The following SLC24A2 variants were observed in gnomAD, a reference collection of about 807,000 sequenced individuals.
SLC24A2 encodes the protein solute carrier family 24 member 2.
A neutral mutation model predicts 62.0 loss-of-function variants in SLC24A2; 36 were observed. The observed-to-expected ratio is 0.58, with a 90% CI of 0.44 to 0.77. The LOEUF (loss-of-function observed/expected upper bound fraction) is 0.77. Among genes scored for constraint, SLC24A2 ranks in the 30% least tolerant of loss-of-function variants. The pLI is 0.00. For missense variants in SLC24A2, 846 were observed against 817.9 expected, an observed-to-expected ratio of 1.03 and a Z score of -0.42; for synonymous variants, 358 against 294.0, an observed-to-expected ratio of 1.22 and a Z score of -2.23.
the SLC24A2 span, among the ~76,000 whole-genome samples, chr9:20,152,065 G>A: frequency 6.6e-6 from 1 of 151,838 alleles, no homozygotes; most frequent in Non-Finnish European, 1.5e-5. Context: ...GTTTTCACAT[G>A]CTAAGCACTC....
chr9:19,753,484 T>C (rs959596715), intron 2 of SLC24A2, among the ~76,000 whole-genome samples: 27 of 152,208 alleles, frequency 1.8e-4, no homozygotes, highest in Admixed American at 6.5e-5. Context: ...TGGGTGCTTA[T>C]TAGTCAGACT....
chr9:19,770,742 C>T (rs1822661769), intron 2 of SLC24A2, among the ~76,000 whole-genome samples: 1 of 152,120 alleles, frequency 6.6e-6, no homozygotes, highest in South Asian at 2.1e-4. Flanking sequence ...TAACATTGAC[C>T]ATTCAGTGAG....
At chr9:19,645,620 A>G (rs1167791227) in intron 2 of SLC24A2, among the ~76,000 whole-genome samples, 1 of 152,104 alleles carries the variant, frequency 6.6e-6, no homozygotes, top group Admixed American at 6.5e-5. Flanking sequence ...AGTTCCGGTG[A>G]CAGTTCTCAG....
chr9:20,004,925 C>T, the SLC24A2 span, among the ~76,000 whole-genome samples: 4 of 151,776 alleles, frequency 2.6e-5, no homozygotes, highest in East Asian at 3.9e-4. Flanking sequence ...AAAAAAGAAG[C>T]ATCTGTTTTC....
the SLC24A2 span, among the ~76,000 whole-genome samples, chr9:20,198,825 C>A: frequency 6.6e-6 from 1 of 152,266 alleles, no homozygotes; most frequent in Non-Finnish European, 1.5e-5. Context: ...CTCTGGCAAA[C>A]CTGGTTGTGC....
the SLC24A2 span, among the ~76,000 whole-genome samples, chr9:20,105,989 G>A: frequency 6.6e-6 from 1 of 152,098 alleles, no homozygotes; most frequent in Non-Finnish European, 1.5e-5. Context: ...GAATCAAATA[G>A]ACGCAATAAA....
intron 2 of SLC24A2, among the ~76,000 whole-genome samples, chr9:19,666,568 G>T (rs1381715361): frequency 6.6e-6 from 1 of 152,182 alleles, no homozygotes; most frequent in Non-Finnish European, 1.5e-5. Flanking sequence ...AGTTCTGTCT[G>T]TTTGTGCAAC....
At chr9:19,917,379 T>C in the SLC24A2 span, among the ~76,000 whole-genome samples, 1 of 150,634 alleles carries the variant, frequency 6.6e-6, no homozygotes, top group African/African-American at 2.4e-5. Context: ...GCATTTAGTC[T>C]GCACTTTTGC....
At chr9:20,108,002 GA>G in the SLC24A2 span, among the ~76,000 whole-genome samples, 1 of 151,830 alleles carries the variant, frequency 6.6e-6, no homozygotes, top group African/African-American at 2.4e-5. Context: ...AAATTTACAA[GA>G]AAAAAACAAA....
At chr9:19,937,128 G>A in the SLC24A2 span, among the ~76,000 whole-genome samples, 1 of 152,138 alleles carries the variant, frequency 6.6e-6, no homozygotes, top group South Asian at 2.1e-4. Flanking sequence ...TGCTGCAGCT[G>A]GGCCACACAT....
chr9:19,788,121 G>C (rs192444971), intron 1 of SLC24A2, among the ~76,000 whole-genome samples: 1 of 152,140 alleles, frequency 6.6e-6, no homozygotes, highest in African/African-American at 2.4e-5. Flanking sequence ...TTAAACACAC[G>C]CCACTTAAAT....
intron 7 of SLC24A2, among the ~76,000 whole-genome samples, chr9:19,556,036 C>T (rs542975732): frequency 5.3e-5 from 8 of 152,198 alleles, no homozygotes; most frequent in South Asian, 4.2e-4. Context: ...TTATCAATAC[C>T]GAACATTGAA....
At chr9:20,061,193 C>G in the SLC24A2 span, among the ~76,000 whole-genome samples, 23 of 151,748 alleles carry the variant, frequency 1.5e-4, no homozygotes, top group Admixed American at 2.0e-4. Context: ...TATAAAGCTA[C>G]AGTATCAAGA....
chr9:19,773,389 T>A (rs949688521), intron 2 of SLC24A2, among the ~76,000 whole-genome samples: 10 of 152,174 alleles, frequency 6.6e-5, no homozygotes, highest in African/African-American at 1.9e-4. Context: ...AAGAGAACTA[T>A]TTTGGGCCAC....
the SLC24A2 span, among the ~76,000 whole-genome samples, chr9:19,837,521 C>T: frequency 6.9e-6 from 1 of 145,622 alleles, no homozygotes; most frequent in Non-Finnish European, 1.5e-5. Context: ...ACAGGGATGC[C>T]TTCCCTCACC....
chr9:20,207,234 T>C, the SLC24A2 span, among the ~76,000 whole-genome samples: 4 of 152,250 alleles, frequency 2.6e-5, no homozygotes, highest in East Asian at 7.7e-4. Flanking sequence ...TTCCAGCAAT[T>C]ACAATGACCA....
At chr9:19,963,422 T>C in the SLC24A2 span, among the ~76,000 whole-genome samples, 1 of 149,058 alleles carries the variant, frequency 6.7e-6, no homozygotes, top group South Asian at 2.1e-4. Context: ...ACCATCAGAG[T>C]GAACAGGCAA....
chr9:19,610,996 G>A (rs1018672914), intron 4 of SLC24A2, among the ~76,000 whole-genome samples: 2 of 152,184 alleles, frequency 1.3e-5, no homozygotes, highest in East Asian at 1.9e-4. Flanking sequence ...ATACGTTCAC[G>A]GGGACAAGTG....
At chr9:20,180,405 T>C in the SLC24A2 span, among the ~76,000 whole-genome samples, 1 of 152,198 alleles carries the variant, frequency 6.6e-6, no homozygotes, top group South Asian at 2.1e-4. Flanking sequence ...TACCCGTCTT[T>C]GTAATAAACT....
Sources: allele counts gnomAD v4.1 joint callset (sites outside exome capture counted in the v4.1 genomes callset), GRCh38; gene constraint gnomAD v4.1.1; transcripts MANE v1.5; gene names NCBI Gene and HGNC (gene_info 2026-07-23, HGNC 2026-07-21).